Variants in ANO3 observed in about 807,000 individuals in gnomAD.
The protein encoded by ANO3 is anoctamin-3.
Under a neutral mutation model 144.8 loss-of-function variants are expected in ANO3, and 99 were observed. That is an observed-to-expected ratio of 0.68 (90% confidence interval 0.58 to 0.81). The LOEUF (loss-of-function observed/expected upper bound fraction) is 0.81, where lower values mean the gene tolerates loss of function less well. Among genes scored for constraint, ANO3 ranks in the 30% least tolerant of loss-of-function variants. The pLI is 0.00. For synonymous variants in ANO3, 414 were observed against 392.6 expected (o/e 1.05, Z -0.64); for missense variants, 905 against 1,202.2 (o/e 0.75, Z 3.66).
Position 26,498,810 on chromosome 11 carries a change from T to C in ANO3, c.433-9294T>C, listed in dbSNP as rs960214379. Among the ~76,000 whole-genome samples the C allele has an allele frequency of 5.3e-5, 8 of 151,954 alleles. 1 individual carries two copies. The Middle Eastern group carries it at 0.024, about 452-fold the overall frequency. On this transcript the variant is annotated intron_variant, in intron 4 of 26. Transcript: ENST00000256737. The stretch of plus-strand genomic sequence containing the variant: ...CCTATGAATATTTTTGAACTTTTAC[T>C]GTATAAGTTATATAGTAAAAGTATA...
chr11:26,344,737 T>A (rs1250739189), intron 1 of ANO3, among the ~76,000 whole-genome samples: 1 of 152,096 alleles, frequency 6.6e-6, no homozygotes, highest in African/African-American at 2.4e-5. Flanking sequence ...GAATGGTGCT[T>A]CTCTATTTCT....
intron 1 of ANO3, among the ~76,000 whole-genome samples, chr11:26,334,641 GTC>G (rs1408572904): frequency 2.0e-5 from 3 of 152,096 alleles, no homozygotes; most frequent in African/African-American, 7.2e-5. Flanking sequence ...GGCCTTTTCT[GTC>G]TCTCTTCCTC....
At chr11:26,365,983 TATATATATATATATATA>T (rs1244883321) in intron 1 of ANO3, among the ~76,000 whole-genome samples, 256 of 2,074 alleles carry the variant, frequency 0.12, 5 homozygotes, top group Non-Finnish European at 0.21. Flanking sequence ...TATATATATA[TATATATATATATATATA>T]TATTTTAATT....
At chr11:26,484,668 T>TA (rs1860371202) in intron 4 of ANO3, among the ~76,000 whole-genome samples, 1 of 152,148 alleles carries the variant, frequency 6.6e-6, no homozygotes, top group Non-Finnish European at 1.5e-5. Flanking sequence ...AGATCCACTG[T>TA]CCCATAGACC....
intron 1 of ANO3, among the ~76,000 whole-genome samples, chr11:26,418,685 T>C (rs1288403090): frequency 6.6e-6 from 1 of 152,162 alleles, no homozygotes; most frequent in Non-Finnish European, 1.5e-5. Flanking sequence ...AGTCCCATTT[T>C]ACTGCTACAA....
chr11:26,328,787 G>A (rs935802145), upstream of ANO3, among the ~76,000 whole-genome samples: 1 of 151,976 alleles, frequency 6.6e-6, no homozygotes, highest in Non-Finnish European at 1.5e-5. Flanking sequence ...TATGGGTAGG[G>A]GGGTTGAAGA....
chr11:26,261,729 C>A (rs1447708740), intron 1 of ANO3, among the ~76,000 whole-genome samples: 1 of 152,052 alleles, frequency 6.6e-6, no homozygotes, highest in Non-Finnish European at 1.5e-5. Flanking sequence ...ATAGACTTTG[C>A]CAATTTGAAG....
chr11:26,254,906 G>A (rs1246214965), intron 1 of ANO3, among the ~76,000 whole-genome samples: 3 of 152,114 alleles, frequency 2.0e-5, no homozygotes, highest in African/African-American at 7.2e-5. Context: ...ACAACCATTT[G>A]AGATTGTCCT....
chr11:26,324,740 G>A (rs1590261015), intron 1 of ANO3, among the ~76,000 whole-genome samples: 1 of 152,186 alleles, frequency 6.6e-6, no homozygotes. Context: ...CCAAGGAAGA[G>A]CTGATGTTTC....
chr11:26,629,816 A>G (rs534862713), intron 18 of ANO3, among the ~76,000 whole-genome samples: 11 of 152,134 alleles, frequency 7.2e-5, no homozygotes, highest in Admixed American at 2.0e-4. Context: ...TTTTTAGTAG[A>G]GACAGGGTTT....
At chr11:26,654,147 C>A (rs558862267) in intron 24 of ANO3, among the ~76,000 whole-genome samples, 23 of 152,156 alleles carry the variant, frequency 1.5e-4, no homozygotes, top group African/African-American at 5.5e-4. Flanking sequence ...AATATAGATT[C>A]TTTACATTTA....
At chr11:26,658,208 C>T (rs1221111965) in intron 26 of ANO3, among the ~76,000 whole-genome samples, 1 of 152,182 alleles carries the variant, frequency 6.6e-6, no homozygotes, top group East Asian at 1.9e-4. Context: ...AAGAGACTAT[C>T]TTTTATTGTA....
intron 1 of ANO3, among the ~76,000 whole-genome samples, chr11:26,208,512 C>CAAAAAAAAAAAAAAAAAAAAA (rs67196052): frequency 2.5e-5 from 3 of 121,750 alleles, no homozygotes; most frequent in African/African-American, 1.0e-4. Flanking sequence ...GACTCCGTCT[C>CAAAAAAAAAAAAAAAAAAAAA]AAAAAAAAAA....
At chr11:26,236,688 G>C (rs1020675696) in intron 1 of ANO3, among the ~76,000 whole-genome samples, 111 of 151,858 alleles carry the variant, frequency 7.3e-4, no homozygotes, top group Non-Finnish European at 1.4e-3. Context: ...CATGGTGGCG[G>C]GCGCCTGTAG....
At chr11:26,602,069 G>A (rs1172288259) in intron 17 of ANO3, among the ~76,000 whole-genome samples, 1 of 152,080 alleles carries the variant, frequency 6.6e-6, no homozygotes, top group Non-Finnish European at 1.5e-5. Context: ...TTATGATAGT[G>A]GATCAGAAGA....
At chr11:26,295,652 G>A (rs1378663200) in intron 1 of ANO3, among the ~76,000 whole-genome samples, 1 of 151,830 alleles carries the variant, frequency 6.6e-6, no homozygotes, top group Non-Finnish European at 1.5e-5. Context: ...TTAAAATTAT[G>A]TATTTCTAGA....
chr11:26,218,839 AAG>A (rs1211178097), intron 1 of ANO3, among the ~76,000 whole-genome samples: 1 of 152,220 alleles, frequency 6.6e-6, no homozygotes, highest in Admixed American at 6.5e-5. Context: ...TAAAGGAAGA[AAG>A]AGAGATAGTG....
At chr11:26,295,515 C>CAAAAAA (rs71047842) in intron 1 of ANO3, among the ~76,000 whole-genome samples, 3 of 66,096 alleles carry the variant, frequency 4.5e-5, no homozygotes, top group Admixed American at 1.7e-4. Flanking sequence ...GACTCTGTCT[C>CAAAAAA]AAAAAAAAAA....
chr11:26,209,769 T>C (rs1466003637), intron 1 of ANO3, among the ~76,000 whole-genome samples: 1 of 152,226 alleles, frequency 6.6e-6, no homozygotes, highest in Non-Finnish European at 1.5e-5. Context: ...TCGTGTTTGT[T>C]GGCCACATAA....
Sources: allele counts gnomAD v4.1 joint callset (sites outside exome capture counted in the v4.1 genomes callset), GRCh38; gene constraint gnomAD v4.1.1; transcripts MANE v1.5; gene names NCBI Gene and HGNC (gene_info 2026-07-23, HGNC 2026-07-21).